RANBP2: variants seen among roughly 807,000 people sequenced by gnomAD.
RANBP2 encodes the protein RAN binding protein 2, also known as E3 SUMO-protein ligase RanBP2.
A neutral mutation model predicts 303.6 loss-of-function variants in RANBP2; 57 were observed. The observed-to-expected ratio is 0.19, with a 90% confidence interval of 0.15 to 0.23. The LOEUF (loss-of-function observed/expected upper bound fraction) is 0.23. Ranked by LOEUF, RANBP2 falls within the 10% of genes least tolerant of loss-of-function variation. The pLI is 1.00. For synonymous variants in RANBP2, 1,167 were observed against 1,301.5 expected (o/e 0.90, Z 2.23); for missense variants, 3,138 against 3,780.8 (o/e 0.83, Z 4.46).
chr2:109,112,454 T>C, the RANBP2 span, among the ~76,000 whole-genome samples: 1 of 152,262 alleles, frequency 6.6e-6, no homozygotes, highest in Admixed American at 6.5e-5. Flanking sequence ...TCTGTTCACA[T>C]CGTTTGCCCA....
At chr2:108,901,831 C>T in the RANBP2 span, among the ~76,000 whole-genome samples, 5 of 152,176 alleles carry the variant, frequency 3.3e-5, no homozygotes, top group African/African-American at 7.2e-5. Context: ...TAGCCAAACG[C>T]GGTGGCTCAC....
At chr2:109,336,709 A>G in the RANBP2 span, among the ~76,000 whole-genome samples, 1 of 152,236 alleles carries the variant, frequency 6.6e-6, no homozygotes, top group Non-Finnish European at 1.5e-5. Context: ...AAGTCTGTAA[A>G]AGCAACTGCA....
the RANBP2 span, among the ~76,000 whole-genome samples, chr2:109,588,579 C>T: frequency 5.9e-5 from 9 of 152,088 alleles, no homozygotes; most frequent in East Asian, 1.4e-3. Flanking sequence ...CTGCAACCTC[C>T]GCCCCCCAGG....
the RANBP2 span, among the ~76,000 whole-genome samples, chr2:109,662,103 C>G: frequency 2.0e-5 from 3 of 152,166 alleles, no homozygotes; most frequent in Non-Finnish European, 4.4e-5. Flanking sequence ...CTGCCACATG[C>G]AGGAGTCTTT....
the RANBP2 span, among the ~76,000 whole-genome samples, chr2:109,427,560 C>T: frequency 2.0e-5 from 3 of 152,166 alleles, no homozygotes; most frequent in Non-Finnish European, 4.4e-5. Flanking sequence ...CAGGTGAGGC[C>T]AGTACCACTG....
chr2:108,823,231 A>G, the RANBP2 span, among the ~76,000 whole-genome samples: 1 of 152,168 alleles, frequency 6.6e-6, no homozygotes, highest in Non-Finnish European at 1.5e-5. Flanking sequence ...ATTAACACCC[A>G]TCCTCCTCAT....
At chr2:109,560,247 C>A in the RANBP2 span, among the ~76,000 whole-genome samples, 1 of 152,174 alleles carries the variant, frequency 6.6e-6, no homozygotes, top group Non-Finnish European at 1.5e-5. Flanking sequence ...TAACTGAACA[C>A]AAAGTGGTCT....
the RANBP2 span, among the ~76,000 whole-genome samples, chr2:109,234,940 G>T: frequency 1.3e-5 from 2 of 152,172 alleles, no homozygotes; most frequent in Non-Finnish European, 2.9e-5. Flanking sequence ...GTTGTTGTAT[G>T]AGTGTCCTAA....
At chr2:109,234,962 G>C in the RANBP2 span, among the ~76,000 whole-genome samples, 1 of 152,198 alleles carries the variant, frequency 6.6e-6, no homozygotes, top group Non-Finnish European at 1.5e-5. Flanking sequence ...CTCAGCACCT[G>C]TTGTCACCAG....
chr2:108,996,608 T>C, the RANBP2 span, among the ~76,000 whole-genome samples: 1 of 152,172 alleles, frequency 6.6e-6, no homozygotes, highest in East Asian at 1.9e-4. Flanking sequence ...TCTACTTCCA[T>C]TCCCCCCTGC....
At chr2:109,043,992 G>A in the RANBP2 span, among the ~76,000 whole-genome samples, 1 of 152,258 alleles carries the variant, frequency 6.6e-6, no homozygotes, top group South Asian at 2.1e-4. Context: ...GGATGATGGA[G>A]AGGCATTTTT....
chr2:109,488,661 C>T, the RANBP2 span, among the ~76,000 whole-genome samples: 2 of 152,200 alleles, frequency 1.3e-5, no homozygotes, highest in Non-Finnish European at 2.9e-5. Flanking sequence ...TTCCTGGGAA[C>T]ACTCTCCCTC....
At chr2:109,714,394 C>T in the RANBP2 span, among the ~76,000 whole-genome samples, 1 of 152,046 alleles carries the variant, frequency 6.6e-6, no homozygotes, top group Non-Finnish European at 1.5e-5. Context: ...CTCTTCCTCC[C>T]AGGTTCTAGT....
chr2:109,598,835 A>G, the RANBP2 span, among the ~76,000 whole-genome samples: 1 of 151,774 alleles, frequency 6.6e-6, no homozygotes, highest in Non-Finnish European at 1.5e-5. Context: ...AGCCCAGATC[A>G]CACCACTGCA....
downstream of RANBP2, chr2:108,787,921 A>G: frequency 1.1e-6 from 1 of 942,518 alleles, no homozygotes; most frequent in East Asian, 3.0e-5. Context: ...TGGTGTCTAC[A>G]AGATTTCTCC....
chr2:108,776,321 C>G (rs1649328), intron 24 of RANBP2, among the ~76,000 whole-genome samples: 54,976 of 151,952 alleles, frequency 0.36, 13,573 homozygotes, highest in African/African-American at 0.71. Context: ...AGAAATATTA[C>G]GGATTTAAGA....
the RANBP2 span, among the ~76,000 whole-genome samples, chr2:109,131,916 A>G: frequency 6.6e-6 from 1 of 152,216 alleles, no homozygotes; most frequent in African/African-American, 2.4e-5. Context: ...TATTCACACT[A>G]CACTAGCACT....
At chr2:108,814,938 C>T in the RANBP2 span, among the ~76,000 whole-genome samples, 1 of 151,800 alleles carries the variant, frequency 6.6e-6, no homozygotes, top group African/African-American at 2.4e-5. Flanking sequence ...ATCTGGCCTG[C>T]AGATTTTTAA....
the RANBP2 span, among the ~76,000 whole-genome samples, chr2:109,571,212 G>T: frequency 5.0e-4 from 76 of 152,302 alleles, no homozygotes; most frequent in African/African-American, 1.6e-3. Context: ...CTAAGGAACT[G>T]TAAGTCAATT....
Sources: allele counts gnomAD v4.1 joint callset (sites outside exome capture counted in the v4.1 genomes callset), GRCh38; gene constraint gnomAD v4.1.1; transcripts MANE v1.5; gene names NCBI Gene and HGNC (gene_info 2026-07-23, HGNC 2026-07-21).